HDAC9: variants seen among roughly 807,000 people sequenced by gnomAD.
The protein encoded by HDAC9 is MEF-2 interacting transcription repressor (MITR) protein.
A neutral mutation model predicts 139.4 loss-of-function variants in HDAC9; 41 were observed. That is an observed-to-expected ratio of 0.29 (90% CI 0.23 to 0.38). The LOEUF (loss-of-function observed/expected upper bound fraction) is 0.38, where lower values mean the gene tolerates loss of function less well. HDAC9 is among the 10% of genes least tolerant of loss of function. HDAC9 has a pLI of 1.00. For synonymous variants in HDAC9, 517 were observed against 476.2 expected (o/e 1.09, Z -1.12); for missense variants, 1,147 against 1,297.0 (o/e 0.88, Z 1.78).
chr7:18,633,852 A>C (rs1783060807), intron 7 of HDAC9, among the ~76,000 whole-genome samples: 1 of 152,128 alleles, frequency 6.6e-6, no homozygotes, highest in Non-Finnish European at 1.5e-5. Context: ...TAAATGCATT[A>C]GTTTCTGCAT....
Position 18,745,792 on chromosome 7 carries a change from C to T in HDAC9, c.1910-3213C>T, listed in dbSNP as rs138285430. 5.4e-3 allele frequency among the ~76,000 whole-genome samples: 820 copies of T among 151,572 alleles called. 23 individuals are homozygous for T. In the East Asian group the frequency reaches 0.086, roughly 16 times the overall value. On this transcript the variant is annotated intron_variant, in intron 13 of 25. Transcript: ENST00000686413. Reference sequence around the variant, plus strand: ...CGATCTGCTGACCTCATGATCCATCCGCCTCGGCCTCCCAAAGTGCTGGGA... The same window carrying T: ...CGATCTGCTGACCTCATGATCCATCTGCCTCGGCCTCCCAAAGTGCTGGGA...
At chr7:18,779,631 G>T (rs190581438) in intron 16 of HDAC9, among the ~76,000 whole-genome samples, 2 of 152,128 alleles carry the variant, frequency 1.3e-5, no homozygotes, top group African/African-American at 4.8e-5. Context: ...CTGAGACTTG[G>T]TTTCTTTATC....
chr7:18,811,629 A>G (rs1246477961), intron 17 of HDAC9, among the ~76,000 whole-genome samples: 1 of 151,766 alleles, frequency 6.6e-6, no homozygotes, highest in Admixed American at 6.6e-5. Flanking sequence ...ATTTATTGAT[A>G]TTTATAATGG....
intron 22 of HDAC9, among the ~76,000 whole-genome samples, chr7:18,897,027 T>C (rs1563034063): frequency 1.3e-5 from 2 of 152,178 alleles, no homozygotes; most frequent in South Asian, 4.1e-4. Flanking sequence ...TTTAGCAATA[T>C]GTATTCATTA....
chr7:18,560,353 A>C (rs75227777), intron 2 of HDAC9, among the ~76,000 whole-genome samples: 229 of 152,302 alleles, frequency 1.5e-3, no homozygotes, highest in African/African-American at 5.3e-3. Flanking sequence ...TCTGTTGTAG[A>C]ATATTCACTC....
intron 1 of HDAC9, among the ~76,000 whole-genome samples, chr7:18,372,713 G>T (rs183520409): frequency 5.9e-5 from 9 of 152,132 alleles, no homozygotes; most frequent in South Asian, 2.1e-4. Flanking sequence ...GATCTACCAG[G>T]GTTGACAGAA....
upstream of HDAC9, among the ~76,000 whole-genome samples, chr7:18,494,987 T>C (rs1376278340): frequency 2.6e-5 from 4 of 152,128 alleles, no homozygotes; most frequent in Non-Finnish European, 5.9e-5. Flanking sequence ...ACTAACTGGA[T>C]GGATGCGATA....
At chr7:18,817,967 A>T (rs1225838906) in intron 17 of HDAC9, among the ~76,000 whole-genome samples, 1 of 152,252 alleles carries the variant, frequency 6.6e-6, no homozygotes, top group Non-Finnish European at 1.5e-5. Context: ...TGCTTCTTAA[A>T]GTCATTTTCA....
upstream of HDAC9, among the ~76,000 whole-genome samples, chr7:18,288,031 T>G (rs543689412): frequency 1.3e-5 from 2 of 152,374 alleles, no homozygotes; most frequent in South Asian, 2.1e-4. Flanking sequence ...TTGAATTTCC[T>G]AAGACTACAG....
chr7:18,915,923 G>C (rs1362671413), intron 22 of HDAC9, among the ~76,000 whole-genome samples: 1 of 150,532 alleles, frequency 6.6e-6, no homozygotes, highest in Non-Finnish European at 1.5e-5. Context: ...GTAGACTTCA[G>C]AGGGAATTTC....
chr7:18,804,477 C>T (rs553705054), intron 17 of HDAC9, among the ~76,000 whole-genome samples: 17 of 152,180 alleles, frequency 1.1e-4, no homozygotes, highest in Admixed American at 3.3e-4. Context: ...AGGATAGCAA[C>T]GGTGGTAAGT....
At chr7:18,222,565 T>C (rs1311446945) in intron 2 of HDAC9, among the ~76,000 whole-genome samples, 1 of 152,144 alleles carries the variant, frequency 6.6e-6, no homozygotes, top group Admixed American at 6.5e-5. Flanking sequence ...AAAAAGTGAA[T>C]GTTTCCCATA....
At chr7:18,467,712 A>C (rs1405901021) in intron 1 of HDAC9, among the ~76,000 whole-genome samples, 1 of 152,150 alleles carries the variant, frequency 6.6e-6, no homozygotes, top group Non-Finnish European at 1.5e-5. Context: ...ATATCACTAT[A>C]TTACGTTTAT....
At chr7:18,292,957 G>GT (rs1164652186) in intron 1 of HDAC9, among the ~76,000 whole-genome samples, 15 of 151,786 alleles carry the variant, frequency 9.9e-5, no homozygotes, top group African/African-American at 3.6e-4. Context: ...CAACTTTGGA[G>GT]TTTTTTTTCC....
chr7:18,648,593 G>C lies in HDAC9; in HGVS notation c.1377G>C (p.Gln459His), dbSNP rs1260202588. 1 of 1,613,422 alleles carries C rather than the reference G, an allele frequency of 6.2e-7. No individual in the cohort carries two copies. The highest frequency in any genetic ancestry group is 1.3e-5 in the African/African-American group (1 of 74,878). The change falls in exon 11 of 26, where the codon CAG becomes CAC. Residue 459 changes from glutamine (Q) to histidine (H), a missense_variant. Physicochemically the swap from Gln to His is conservative, Grantham distance 24. Transcript: ENST00000686413. ...GAACCCAGTCTGCACCTTTGCCTCA[G>C]AGCACGTTGGCTCAGCTGGTCATTC... ...LNRTQSAPLP[Q>H]STLAQLVIQQ... is the part of the protein sequence containing the mutation.
intron 25 of HDAC9, among the ~76,000 whole-genome samples, chr7:18,984,661 A>G (rs1401800463): frequency 2.0e-5 from 3 of 152,196 alleles, no homozygotes; most frequent in Non-Finnish European, 4.4e-5. Flanking sequence ...AATTCATGAA[A>G]TATCAATGAA....
chr7:18,336,382 C>T (rs1781584536), intron 1 of HDAC9, among the ~76,000 whole-genome samples: 1 of 151,590 alleles, frequency 6.6e-6, no homozygotes, highest in Non-Finnish European at 1.5e-5. Flanking sequence ...CAAATGCAGT[C>T]CACATACATA....
chr7:18,648,459 T>C lies in HDAC9; in HGVS notation c.1250-7T>C, dbSNP rs780673800. 1.2e-6 allele frequency: 2 copies of C among 1,609,948 alleles called. No homozygotes were observed. Among genetic ancestry groups the C allele is most frequent in the East Asian group, 4.5e-5 (2 of 44,742 alleles). On this transcript the variant is annotated splice_region_variant and splice_polypyrimidine_tract_variant and intron_variant, in intron 10 of 25. Transcript: ENST00000686413. ...ATACACACATATACATGTATTTTTT[T>C]TTTCAGGTGGAGTTCCCTTACATCC...
In HDAC9 at chr7:18,091,122, A is replaced by G. The variant is rs969317800; in HGVS notation, c.-97+3909A>G. Among the ~76,000 whole-genome samples the G allele has an allele frequency of 2.6e-5, 4 of 152,346 alleles. No homozygotes were observed. The East Asian group carries it at 5.8e-4, about 22-fold the overall frequency. On this transcript the variant is annotated intron_variant, in intron 1 of 12. Coordinates refer to the HDAC9 transcript ENST00000417496. ...AAGCAGACAGTACCAAGAGCTCTCC[A>G]TTAAGCTAATATGTATATTCTTACT... is the stretch of plus-strand genomic sequence containing the variant.
Sources: gnomAD v4.1 joint callset for allele counts (sites outside exome capture counted in the v4.1 genomes callset) on GRCh38, gnomAD v4.1.1 for gene constraint, MANE v1.5 for transcripts, NCBI Gene and HGNC (gene_info 2026-07-23, HGNC 2026-07-21) for gene names.